Variants in SLC7A8 observed in about 807,000 individuals in gnomAD.
The protein encoded by SLC7A8 is solute carrier family 7 member 8, also known as large neutral amino acids transporter small subunit 2.
A neutral mutation model predicts 51.2 loss-of-function variants in SLC7A8; 30 were observed. The observed-to-expected ratio is 0.59, with a 90% CI of 0.44 to 0.80. The LOEUF (loss-of-function observed/expected upper bound fraction) is 0.80. SLC7A8 is among the 30% of genes least tolerant of loss of function. The pLI is 0.00. For missense variants in SLC7A8, 612 were observed against 674.4 expected (o/e 0.91, Z 1.03); for synonymous variants, 257 against 275.8 (o/e 0.93, Z 0.67).
rs886291717 is a variant in SLC7A8 at position 23,165,294 on chromosome 14, T to C, written c.499A>G (p.Ile167Val). Residue 167 changes from isoleucine (I) to valine (V), a missense_variant, in exon 3 of 11, where the codon ATC becomes GTC. By Grantham distance (29) the Ile-to-Val change is conservative. Transcript: ENST00000316902. This position sits in a 1 kb window ranked among gnomAD's most constrained non-coding sequence, Gnocchi z 4.2. ...PESGLRLLAA[I>V]CLLLLTWVNC... ...CCCAGATGACACTTACATAAGCAGA[T>C]GGCAGCCAGGAGCCGAAGGCCAGAC... is the stretch of plus-strand genomic sequence containing the variant. 6.2e-7 allele frequency: 1 copy of C among 1,609,540 alleles called. No homozygotes were observed. Among genetic ancestry groups the C allele is most frequent in the Admixed American group, 1.7e-5 (1 of 59,550 alleles).
At chr14:23,156,003 CTTT>C (rs556425559) in intron 3 of SLC7A8, among the ~76,000 whole-genome samples, 2 of 145,428 alleles carry the variant, frequency 1.4e-5, no homozygotes, top group Non-Finnish European at 1.5e-5. Flanking sequence ...CTTTTCTTTT[CTTT>C]TTTTTTTTTG....
rs374994682 is a variant in SLC7A8, at chr14:23,165,452, G to T, written c.357-16C>A. On this transcript the variant is annotated splice_polypyrimidine_tract_variant and intron_variant, in intron 2 of 10. Coordinates refer to ENST00000316902, the MANE Select transcript of SLC7A8 (RefSeq NM_012244.4). The surrounding 1 kb of genome is among the most constrained non-coding windows in gnomAD (Gnocchi z 4.2). ...CCTCAGGAACCTGAAGGAGGAAAGGGACATCCGCCGAAAGGCATGGCAGGG... is the reference window on the plus strand; with the variant it reads ...CCTCAGGAACCTGAAGGAGGAAAGGTACATCCGCCGAAAGGCATGGCAGGG... 16 of 1,577,914 alleles carry T rather than the reference G, an allele frequency of 1.0e-5. No individual in the cohort carries two copies. In the African/African-American group the frequency reaches 2.2e-4, roughly 22 times the overall value.
intron 7 of SLC7A8, among the ~76,000 whole-genome samples, chr14:23,134,437 C>CGAAAA (rs2048669322): frequency 1.6e-5 from 1 of 64,186 alleles, no homozygotes; most frequent in Non-Finnish European, 2.6e-5. Context: ...ACCCTGTCTC[C>CGAAAA]AAAAAAAAAA....
rs2048946644 is a variant in SLC7A8 at position 23,165,787 on chromosome 14, A to T, written c.357-351T>A. On this transcript the variant is annotated intron_variant, in intron 2 of 10. Transcript: ENST00000316902. This position sits in a 1 kb window ranked among gnomAD's most constrained non-coding sequence, Gnocchi z 4.2. ...GGACATACTAAGGGTGTGGTTACGT[A>T]AGCAATAATCAGGAGAGGTATCAAG... 6.6e-6 allele frequency among the ~76,000 whole-genome samples: 1 copy of T among 152,160 alleles called. No individual in the cohort carries two copies. Among genetic ancestry groups the T allele is most frequent in the Non-Finnish European group, 1.5e-5 (1 of 68,020 alleles).
chr14:23,174,868 A>T (rs2048991828), intron 1 of SLC7A8, among the ~76,000 whole-genome samples: 1 of 152,196 alleles, frequency 6.6e-6, no homozygotes, highest in African/African-American at 2.4e-5. Flanking sequence ...TTGGAAAGAA[A>T]CAGTTTCTAG....
chr14:23,172,408 A>G (rs752580594), intron 1 of SLC7A8, among the ~76,000 whole-genome samples: 2 of 152,320 alleles, frequency 1.3e-5, no homozygotes, highest in African/African-American at 4.8e-5. Flanking sequence ...CACTCTGTAC[A>G]TGCTTGTTTT....
At chr14:23,156,080 C>T (rs1054904108) in intron 3 of SLC7A8, among the ~76,000 whole-genome samples, 1 of 151,710 alleles carries the variant, frequency 6.6e-6, no homozygotes, top group Non-Finnish European at 1.5e-5. Flanking sequence ...CTCACCGCAA[C>T]CTCTGCCTCC....
At position 23,177,977 on chromosome 14, in the gene SLC7A8, T is replaced by G. The variant is rs540906436; in HGVS notation, c.151+4787A>C. ...TAAAAATAGAAATAGTGAAGAATAA[T>G]GCTTACAAGCTTGATTCAGGATGCA... On this transcript the variant is annotated intron_variant, in intron 1 of 10. Transcript: ENST00000316902. Among the ~76,000 whole-genome samples, 4 of 152,352 alleles carry G rather than the reference T, an allele frequency of 2.6e-5. No individual in the cohort carries two copies. In the South Asian group the frequency reaches 8.3e-4, roughly 32 times the overall value.
At chr14:23,138,067 C>T in intron 6 of SLC7A8, 43 bp from the exon 7 acceptor site, 3 of 1,608,470 alleles carry the variant, frequency 1.9e-6, no homozygotes, top group Non-Finnish European at 2.5e-6. Flanking sequence ...GAGGTCACCA[C>T]TCCCCGACCC....
intron 5 of SLC7A8, 96 bp from the exon 6 acceptor site, chr14:23,139,643 G>A (rs918721814): frequency 7.0e-7 from 1 of 1,437,174 alleles, no homozygotes; most frequent in East Asian, 2.4e-5. Context: ...CTGCATGCGT[G>A]TAGCCTTACA....
At position 23,131,467 on chromosome 14, in the gene SLC7A8, G is replaced by C. The variant is rs139127224; in HGVS notation, c.1107C>G (p.Leu369=). 5 of 1,600,930 alleles carry C rather than the reference G, an allele frequency of 3.1e-6. No homozygotes were observed. The highest frequency in any genetic ancestry group is 1.7e-4 in the Middle Eastern group (1 of 6,018). Residue 369 remains leucine, a synonymous_variant, in exon 8 of 11, where the codon CTC becomes CTG. Coordinates refer to ENST00000316902, the MANE Select transcript of SLC7A8 (RefSeq NM_012244.4). Reference sequence around the variant, plus strand: ...CAGCAGGAAGGGCCCTTACTGTGAAGAGCAGGGCTGGGATTGGGGTGCAGC... The same window carrying C: ...CAGCAGGAAGGGCCCTTACTGTGAACAGCAGGGCTGGGATTGGGGTGCAGC... ...VKRCTPIPAL[L]FTCISTLLML... is the part of the protein sequence containing the mutation.
At chr14:23,148,389 T>C (rs771396438) in intron 3 of SLC7A8, among the ~76,000 whole-genome samples, 32 of 152,078 alleles carry the variant, frequency 2.1e-4, no homozygotes, top group Non-Finnish European at 4.1e-4. Context: ...CCACCACGCC[T>C]GGCTAATTTT....
In SLC7A8 at chr14:23,183,026, C is replaced by A. The variant is rs1877255339; in HGVS notation, c.-112G>T. The A allele has an allele frequency of 1.5e-6, 2 of 1,333,394 alleles. No homozygotes were observed. The highest frequency in any genetic ancestry group is 1.2e-5 in the South Asian group (1 of 82,448). 82.6% of individuals were successfully genotyped at this position (1,333,394 alleles called of 1,614,324 possible). ...AGAACGTCCTTTTCCGAAATAGGAACCACTGCTACTCTCTAAAAAAGGCAA... is the reference window on the plus strand; with the variant it reads ...AGAACGTCCTTTTCCGAAATAGGAAACACTGCTACTCTCTAAAAAAGGCAA... On this transcript the variant is annotated 5_prime_UTR_variant, in exon 1 of 11. Coordinates refer to ENST00000316902, the MANE Select transcript of SLC7A8 (RefSeq NM_012244.4).
rs773856869 is a variant in SLC7A8, at chr14:23,128,063, C to A, written c.1397G>T (p.Gly466Val). The stretch of plus-strand genomic sequence containing the variant: ...CTTGGGCTTGTGTTGCCAGTAAACA[C>A]CCAGGAAATAGACAGGCACTCCTGT... ...MLTGVPVYFL[G>V]VYWQHKPKCF... Residue 466 changes from glycine (G) to valine (V), a missense_variant, in exon 10 of 11, where the codon GGT becomes GTT. By Grantham distance (109) the Gly-to-Val change is moderately radical. Coordinates refer to ENST00000316902, the MANE Select transcript of SLC7A8 (RefSeq NM_012244.4). This position sits in a 1 kb window ranked among gnomAD's most constrained non-coding sequence, Gnocchi z 4.3. 1.8e-5 allele frequency: 29 copies of A among 1,614,078 alleles called. No individual in the cohort carries two copies. Among genetic ancestry groups the A allele is most frequent in the Admixed American group, 5.0e-5 (3 of 60,010 alleles).
chr14:23,149,144 C>G (rs1255106350), intron 3 of SLC7A8, among the ~76,000 whole-genome samples: 5 of 152,210 alleles, frequency 3.3e-5, no homozygotes, highest in African/African-American at 1.2e-4. Context: ...CACATAGCCG[C>G]TTCGCACTTC....
chr14:23,180,092 G>C (rs1313155663), intron 1 of SLC7A8, among the ~76,000 whole-genome samples: 2 of 152,028 alleles, frequency 1.3e-5, no homozygotes, highest in East Asian at 3.9e-4. Context: ...TTTTTTAGTA[G>C]AGACGAGGTT....
intron 7 of SLC7A8, among the ~76,000 whole-genome samples, chr14:23,136,107 T>C (rs1594820267): frequency 7.5e-6 from 1 of 133,602 alleles, no homozygotes. Context: ...AGTCATTTAC[T>C]TTGTAATTTG....
In SLC7A8 at chr14:23,161,470, A is replaced by T. The variant is rs80195079; in HGVS notation, c.508+3815T>A. On this transcript the variant is annotated intron_variant, in intron 3 of 10. Transcript: ENST00000316902. ...AGGAAGCAGAGTTCCCCATGTGCATATGTTTACGCCACACCGGAACTCTCT... is the reference window on the plus strand; with the variant it reads ...AGGAAGCAGAGTTCCCCATGTGCATTTGTTTACGCCACACCGGAACTCTCT... Among the ~76,000 whole-genome samples, 15 of 127,498 alleles carry T rather than the reference A, an allele frequency of 1.2e-4. No individual in the cohort carries two copies. In the East Asian group the frequency reaches 2.9e-3, roughly 25 times the overall value. 83.6% of individuals were successfully genotyped at this position (127,498 alleles called of 152,430 possible).
intron 1 of SLC7A8, among the ~76,000 whole-genome samples, chr14:23,170,419 C>T (rs886153523): frequency 8.6e-5 from 13 of 152,014 alleles, no homozygotes; most frequent in African/African-American, 3.1e-4. Flanking sequence ...TATGAACCTA[C>T]CTATCTTCCT....
Sources: allele counts gnomAD v4.1 joint callset (sites outside exome capture counted in the v4.1 genomes callset), GRCh38; gene constraint gnomAD v4.1.1; non-coding constraint Gnocchi (gnomAD v3.1); transcripts MANE v1.5; gene names NCBI Gene and HGNC (gene_info 2026-07-23, HGNC 2026-07-21).